The following EPB41L2 variants were observed in gnomAD, a reference collection of about 807,000 sequenced individuals.
EPB41L2 encodes band 4.1-like protein 2.
A neutral mutation model predicts 113.0 loss-of-function variants in EPB41L2; 43 were observed. The observed-to-expected ratio is 0.38, with a 90% CI of 0.30 to 0.49. The LOEUF is 0.49. EPB41L2 is among the 20% of genes least tolerant of loss of function. EPB41L2 has a pLI of 0.95. For missense variants in EPB41L2, 1,147 were observed against 1,223.4 expected (o/e 0.94, Z 0.93); for synonymous variants, 442 against 436.7 (o/e 1.01, Z -0.15).
chr6:131,008,109 G>A (rs867448663), intron 1 of EPB41L2, among the ~76,000 whole-genome samples: 1 of 152,260 alleles, frequency 6.6e-6, no homozygotes, highest in Non-Finnish European at 1.5e-5. Flanking sequence ...CTTCACAGCA[G>A]GTGCTTCCCG....
chr6:131,002,229 A>T lies in EPB41L2; in HGVS notation c.-14-45730T>A, dbSNP rs183018108. Among the ~76,000 whole-genome samples the T allele has an allele frequency of 7.2e-5, 11 of 152,316 alleles. No individual in the cohort carries two copies. The East Asian group carries it at 1.9e-3, about 27-fold the overall frequency. On this transcript the variant is annotated intron_variant, in intron 1 of 19. Coordinates refer to ENST00000337057, the MANE Select transcript of EPB41L2 (RefSeq NM_001431.4). ...ACAACTATAAACTCACACAGAGAAG[A>T]GACCTTGTCCTCAAATTAGCCCCAA...
rs1806580738 is a variant in EPB41L2 at position 130,930,821 on chromosome 6, T to C, written c.706-4112A>G. ...ATTATCAAGAACAAAACACAAAATA[T>C]ATATGTTTTATGTGTTTATAAGAAA... On this transcript the variant is annotated intron_variant, in intron 3 of 19. Transcript: ENST00000337057. Among the ~76,000 whole-genome samples, 3 of 152,188 alleles carry C rather than the reference T, an allele frequency of 2.0e-5. No individual in the cohort carries two copies. The South Asian group carries it at 6.2e-4, about 32-fold the overall frequency.
rs58752395 is a variant in EPB41L2 at position 130,867,937 on chromosome 6, GACAC to G, written c.2608-360_2608-357del. ...TTTTATGTCAAGCCTAGTGTATAGTGACACACACACACACACACACACACACACA... is the reference window on the plus strand; with the variant it reads ...TTTTATGTCAAGCCTAGTGTATAGTGACACACACACACACACACACACACA... On this transcript the variant is annotated intron_variant, in intron 15 of 19. Transcript: ENST00000337057. 978 of 179,164 alleles carry G rather than the reference GACAC, an allele frequency of 5.5e-3. 7 individuals are homozygous for G. The highest frequency in any genetic ancestry group is 0.016 in the African/African-American group (625 of 38,202). The allele number at this position is 179,164 out of a possible 1,614,324, so 11.1% of individuals were successfully genotyped here.
At chr6:130,999,430 G>T (rs1783856065) in intron 1 of EPB41L2, among the ~76,000 whole-genome samples, 1 of 152,120 alleles carries the variant, frequency 6.6e-6, no homozygotes, top group Non-Finnish European at 1.5e-5. Flanking sequence ...TATTATCCAA[G>T]ATAACCATCT....
intron 1 of EPB41L2, among the ~76,000 whole-genome samples, chr6:131,039,953 T>C (rs1208011322): frequency 6.6e-6 from 1 of 152,128 alleles, no homozygotes; most frequent in Non-Finnish European, 1.5e-5. Flanking sequence ...TATTTCACAG[T>C]AATCAAATAG....
chr6:130,918,316 T>C lies in EPB41L2; in HGVS notation c.810+8289A>G, dbSNP rs1801772849. ...TCAACTACATTTCTAACAAGCTCCT[T>C]TTTCAATATAGCTTGCAGCAAAATG... On this transcript the variant is annotated intron_variant, in intron 4 of 19. Coordinates refer to ENST00000337057, the MANE Select transcript of EPB41L2 (RefSeq NM_001431.4). Among the ~76,000 whole-genome samples the C allele has an allele frequency of 6.6e-5, 10 of 152,174 alleles. No homozygotes were observed. The South Asian group carries it at 2.1e-3, about 32-fold the overall frequency.
At position 130,932,320 on chromosome 6, in the gene EPB41L2, T is replaced by TAAA. The variant is rs5880044; in HGVS notation, c.706-5614_706-5612dup. 3.8e-3 allele frequency among the ~76,000 whole-genome samples: 571 copies of TAAA among 148,444 alleles called. 3 individuals carry two copies. The highest frequency in any genetic ancestry group is 4.5e-3 in the African/African-American group (182 of 40,698). ...AATTTTCTTCCATTAACATTGCTTT[T>TAAA]AAAAAAAAAAAAATCAACAACTTGA... On this transcript the variant is annotated intron_variant, in intron 3 of 19. Transcript: ENST00000337057.
chr6:130,876,921 T>C (rs1582976663), intron 14 of EPB41L2: 1 of 311,908 alleles, frequency 3.2e-6, no homozygotes, highest in East Asian at 8.2e-5. Flanking sequence ...AACCTTGGCA[T>C]GGCATCAGAC....
intron 18 of EPB41L2, among the ~76,000 whole-genome samples, chr6:130,861,264 G>C (rs771072355): frequency 6.6e-6 from 1 of 151,764 alleles, no homozygotes; most frequent in Non-Finnish European, 1.5e-5. Context: ...AGTAGAGACA[G>C]GGTTTCGCTG....
chr6:130,996,972 A>G (rs1008721473), intron 1 of EPB41L2, among the ~76,000 whole-genome samples: 6 of 152,230 alleles, frequency 3.9e-5, no homozygotes, highest in Admixed American at 1.3e-4. Context: ...AGGGCAGTAC[A>G]AAACAGGATA....
chr6:130,869,280 T>C (rs1291741347), intron 15 of EPB41L2, among the ~76,000 whole-genome samples: 1 of 151,712 alleles, frequency 6.6e-6, no homozygotes, highest in Non-Finnish European at 1.5e-5. Flanking sequence ...ACCCAAAACA[T>C]GCAAAGAAAA....
intron 1 of EPB41L2, among the ~76,000 whole-genome samples, chr6:131,037,584 A>AT (rs1328285948): frequency 4.1e-4 from 42 of 101,910 alleles, no homozygotes; most frequent in African/African-American, 1.3e-3. Context: ...GAAAACCTAA[A>AT]ATTTTTTTTT....
At chr6:130,993,382 A>T (rs944740038) in intron 1 of EPB41L2, among the ~76,000 whole-genome samples, 2 of 152,200 alleles carry the variant, frequency 1.3e-5, no homozygotes, top group African/African-American at 4.8e-5. Context: ...GGTACTTATA[A>T]TTGTCTCTGC....
intron 1 of EPB41L2, among the ~76,000 whole-genome samples, chr6:131,026,264 T>C (rs1039265932): frequency 2.0e-5 from 3 of 152,328 alleles, no homozygotes; most frequent in Middle Eastern, 3.4e-3. Flanking sequence ...ATAAGCTTTA[T>C]CATTATAACC....
chr6:130,873,164 GTAAA>G (rs886990058), intron 14 of EPB41L2, among the ~76,000 whole-genome samples: 2 of 152,126 alleles, frequency 1.3e-5, no homozygotes, highest in African/African-American at 4.8e-5. Context: ...ATGCCACAGA[GTAAA>G]TTACCCTGTC....
intron 3 of EPB41L2, among the ~76,000 whole-genome samples, chr6:130,939,187 T>C (rs746189117): frequency 8.1e-4 from 123 of 152,094 alleles, no homozygotes; most frequent in Non-Finnish European, 1.4e-3. Flanking sequence ...CAAAACTATA[T>C]ATAATAAATA....
chr6:131,049,906 C>T (rs1460148342), intron 1 of EPB41L2, among the ~76,000 whole-genome samples: 1 of 152,156 alleles, frequency 6.6e-6, no homozygotes, highest in Non-Finnish European at 1.5e-5. Context: ...CAAAAGTGCA[C>T]AGTATAGAGG....
At chr6:130,993,205 G>A (rs1398225104) in intron 1 of EPB41L2, among the ~76,000 whole-genome samples, 3 of 151,872 alleles carry the variant, frequency 2.0e-5, no homozygotes, top group Non-Finnish European at 4.4e-5. Flanking sequence ...CCCCAAAAAG[G>A]TATATATACC....
intron 4 of EPB41L2, among the ~76,000 whole-genome samples, chr6:130,917,104 C>T (rs1801360855): frequency 6.6e-6 from 1 of 152,186 alleles, no homozygotes; most frequent in African/African-American, 2.4e-5. Context: ...ATTCTACTTG[C>T]TAACCACTTT....
Sources: allele counts gnomAD v4.1 joint callset (sites outside exome capture counted in the v4.1 genomes callset), GRCh38; gene constraint gnomAD v4.1.1; transcripts MANE v1.5; gene names NCBI Gene and HGNC (gene_info 2026-07-23, HGNC 2026-07-21).